Variants in LRP1B observed in about 807,000 individuals in gnomAD.
LRP1B encodes the protein low-density lipoprotein receptor-related protein 1B.
Under a neutral mutation model 556.6 loss-of-function variants are expected in LRP1B, and 217 were observed. That is an observed-to-expected ratio of 0.39 (90% confidence interval 0.35 to 0.44). The LOEUF is 0.44. Ranked by LOEUF, LRP1B falls within the 20% of genes least tolerant of loss-of-function variation. LRP1B has a pLI of 1.00. For synonymous variants in LRP1B, 2,047 were observed against 1,865.8 expected, an observed-to-expected ratio of 1.10 and a Z score of -2.50; for missense variants, 5,053 against 5,620.8, an observed-to-expected ratio of 0.90 and a Z score of 3.23.
At chr2:141,174,728 G>A (rs947723848) in intron 7 of LRP1B, among the ~76,000 whole-genome samples, 5 of 152,076 alleles carry the variant, frequency 3.3e-5, no homozygotes, top group Admixed American at 3.3e-4. Context: ...CAGGGGCACT[G>A]CTACAAAGAT....
intron 17 of LRP1B, among the ~76,000 whole-genome samples, chr2:140,983,634 ATT>A (rs1446392572): frequency 6.6e-6 from 1 of 152,090 alleles, no homozygotes; most frequent in Non-Finnish European, 1.5e-5. Flanking sequence ...TATATTCATT[ATT>A]TGTGAATATT....
At chr2:140,602,109 A>G (rs1682696816) in intron 41 of LRP1B, among the ~76,000 whole-genome samples, 1 of 152,100 alleles carries the variant, frequency 6.6e-6, no homozygotes, top group Non-Finnish European at 1.5e-5. Flanking sequence ...GAGAAATCCA[A>G]AATCTAACTC....
intron 84 of LRP1B, among the ~76,000 whole-genome samples, chr2:140,280,907 T>C (rs949793566): frequency 3.3e-5 from 5 of 151,844 alleles, no homozygotes; most frequent in African/African-American, 1.2e-4. Context: ...TAAAAATTTT[T>C]ATAACCTCTG....
At chr2:141,436,979 T>C (rs1680787844) in intron 3 of LRP1B, among the ~76,000 whole-genome samples, 1 of 152,140 alleles carries the variant, frequency 6.6e-6, no homozygotes, top group South Asian at 2.1e-4. Flanking sequence ...CCACTGTAAA[T>C]TTAATTATGA....
intron 2 of LRP1B, among the ~76,000 whole-genome samples, chr2:141,784,426 C>T (rs917446726): frequency 3.9e-5 from 6 of 152,052 alleles, no homozygotes; most frequent in South Asian, 2.1e-4. Context: ...ATATAGGTCT[C>T]GGCTCTACAA....
chr2:140,469,599 TTG>T (rs1687682421), intron 60 of LRP1B, among the ~76,000 whole-genome samples: 1 of 152,230 alleles, frequency 6.6e-6, no homozygotes, highest in Admixed American at 6.5e-5. Context: ...GGCTTTGTTT[TTG>T]TGTGTTTTTT....
At chr2:141,746,455 C>G (rs1018632887) in intron 2 of LRP1B, among the ~76,000 whole-genome samples, 2 of 152,082 alleles carry the variant, frequency 1.3e-5, no homozygotes, top group Non-Finnish European at 2.9e-5. Context: ...CAGTATCTCA[C>G]AATCACTGTG....
At chr2:140,991,888 G>A (rs905823581) in intron 16 of LRP1B, among the ~76,000 whole-genome samples, 8 of 152,036 alleles carry the variant, frequency 5.3e-5, no homozygotes, top group African/African-American at 1.9e-4. Flanking sequence ...ATGCATAATA[G>A]ACTAAAGACT....
intron 1 of LRP1B, among the ~76,000 whole-genome samples, chr2:142,079,173 C>A (rs1458210749): frequency 6.6e-6 from 1 of 152,078 alleles, no homozygotes; most frequent in East Asian, 1.9e-4. Flanking sequence ...TAGACTTCAG[C>A]ACACTATTGA....
chr2:142,086,425 T>C (rs1014086249), intron 1 of LRP1B, among the ~76,000 whole-genome samples: 3 of 152,162 alleles, frequency 2.0e-5, no homozygotes, highest in Admixed American at 6.5e-5. Flanking sequence ...CTGGCCAACA[T>C]GGTGAAACCT....
intron 42 of LRP1B, 89 bp downstream of exon 42, chr2:140,601,361 T>C: frequency 2.7e-6 from 3 of 1,117,574 alleles, no homozygotes; most frequent in Non-Finnish European, 3.6e-6. Flanking sequence ...AAAACTTTAT[T>C]TTTAAAGTTA....
intron 1 of LRP1B, among the ~76,000 whole-genome samples, chr2:141,924,628 G>C (rs575197693): frequency 6.6e-6 from 1 of 152,234 alleles, no homozygotes; most frequent in South Asian, 2.1e-4. Flanking sequence ...CACGCGCCCT[G>C]GCTCCTGCAC....
chr2:141,350,643 G>A (rs548673370), intron 3 of LRP1B, among the ~76,000 whole-genome samples: 17 of 152,106 alleles, frequency 1.1e-4, no homozygotes, highest in East Asian at 9.7e-4. Context: ...TGTAACCATC[G>A]TATCACTCAC....
chr2:141,193,088 G>A (rs1336214084), intron 6 of LRP1B, among the ~76,000 whole-genome samples: 3 of 151,996 alleles, frequency 2.0e-5, no homozygotes. Context: ...AATAACAGAT[G>A]CTGGCAAGGT....
intron 1 of LRP1B, among the ~76,000 whole-genome samples, chr2:141,838,953 G>A (rs1697378139): frequency 6.6e-6 from 1 of 152,192 alleles, no homozygotes; most frequent in African/African-American, 2.4e-5. Flanking sequence ...TGCTTCAGGA[G>A]AACTGTTGAA....
At chr2:140,902,693 C>T (rs894347623) in intron 23 of LRP1B, among the ~76,000 whole-genome samples, 16 of 151,974 alleles carry the variant, frequency 1.1e-4, no homozygotes, top group African/African-American at 3.4e-4. Context: ...ATCAATGTTT[C>T]GGGAAAAAGA....
intron 2 of LRP1B, among the ~76,000 whole-genome samples, chr2:141,487,125 C>G (rs779073985): frequency 7.2e-5 from 11 of 152,112 alleles, no homozygotes; most frequent in South Asian, 2.1e-4. Context: ...TCCCCTCCAC[C>G]TTTTGCCTGG....
intron 32 of LRP1B, among the ~76,000 whole-genome samples, chr2:140,801,073 T>C (rs1690493156): frequency 1.3e-5 from 2 of 152,194 alleles, no homozygotes; most frequent in African/African-American, 4.8e-5. Context: ...GCCATTATTC[T>C]ATTTATTCAT....
At chr2:141,285,751 C>T (rs1159406373) in intron 3 of LRP1B, among the ~76,000 whole-genome samples, 30 of 144,558 alleles carry the variant, frequency 2.1e-4, no homozygotes, top group East Asian at 1.7e-3. Context: ...CCACCGAGCC[C>T]GGCCAAGAAT....
Sources: allele counts gnomAD v4.1 joint callset (sites outside exome capture counted in the v4.1 genomes callset), GRCh38; gene constraint gnomAD v4.1.1; transcripts MANE v1.5; gene names NCBI Gene and HGNC (gene_info 2026-07-23, HGNC 2026-07-21).